Variants in ELF1 observed in about 807,000 individuals in gnomAD.
ELF1 encodes E74 like ETS transcription factor 1.
A neutral mutation model predicts 59.9 loss-of-function variants in ELF1; 24 were observed. The observed-to-expected ratio is 0.40, with a 90% CI of 0.29 to 0.56. The LOEUF is 0.56. ELF1 is among the 20% of genes least tolerant of loss of function. The probability of loss-of-function intolerance (pLI) is 0.44; values close to 1 mark genes in which losing one functional copy is unlikely to be tolerated. For missense variants in ELF1, 627 were observed against 742.2 expected, an observed-to-expected ratio of 0.84 and a Z score of 1.80; for synonymous variants, 248 against 266.2, an observed-to-expected ratio of 0.93 and a Z score of 0.67.
intron 8 of ELF1, among the ~76,000 whole-genome samples, chr13:40,938,707 A>G (rs1243683346): frequency 6.6e-6 from 1 of 151,986 alleles, no homozygotes; most frequent in African/African-American, 2.4e-5. Context: ...TCTTGTTGTT[A>G]TATTAATAAT....
chr13:40,976,205 A>G (rs945531083), intron 2 of ELF1, among the ~76,000 whole-genome samples: 1 of 152,226 alleles, frequency 6.6e-6, no homozygotes, highest in African/African-American at 2.4e-5. Context: ...AAAATTACAT[A>G]GTGTGAAACA....
At chr13:41,055,856 G>GTT (rs908604317) in intron 1 of ELF1, among the ~76,000 whole-genome samples, 1 of 141,986 alleles carries the variant, frequency 7.0e-6, no homozygotes, top group Admixed American at 7.0e-5. Context: ...GCTAATTTTT[G>GTT]TTTTTTTTTT....
At chr13:40,951,869 A>G (rs1053069342) in intron 3 of ELF1, among the ~76,000 whole-genome samples, 1 of 151,910 alleles carries the variant, frequency 6.6e-6, no homozygotes, top group South Asian at 2.1e-4. Flanking sequence ...TCTGTCTTAA[A>G]AAAAAAAAAC....
chr13:41,053,244 C>T (rs1025436215), intron 1 of ELF1, among the ~76,000 whole-genome samples: 2 of 151,902 alleles, frequency 1.3e-5, no homozygotes, highest in East Asian at 3.9e-4. Flanking sequence ...ATCCCAGCTA[C>T]TCATGAGGCT....
intron 1 of ELF1, among the ~76,000 whole-genome samples, chr13:41,026,424 G>A (rs1875915820): frequency 6.6e-6 from 1 of 152,200 alleles, no homozygotes; most frequent in Non-Finnish European, 1.5e-5. Flanking sequence ...GGGGGGCCCA[G>A]AATAGAAGGC....
chr13:40,956,571 C>CAAAAAAAAAA (rs34245662), intron 3 of ELF1, among the ~76,000 whole-genome samples: 66 of 75,984 alleles, frequency 8.7e-4, no homozygotes, highest in Admixed American at 1.8e-3. Context: ...CAAGAATGAT[C>CAAAAAAAAAA]AAAAAAAAAA....
At chr13:41,032,299 C>T (rs1306149823) in intron 1 of ELF1, among the ~76,000 whole-genome samples, 3 of 151,224 alleles carry the variant, frequency 2.0e-5, no homozygotes, top group African/African-American at 7.3e-5. Context: ...CTCACTGCAA[C>T]CTCTGCCTCC....
At chr13:40,981,514 C>T (rs931480664) in intron 2 of ELF1, among the ~76,000 whole-genome samples, 16 of 152,072 alleles carry the variant, frequency 1.1e-4, no homozygotes, top group Middle Eastern at 3.2e-3. Context: ...ATGATGAAAT[C>T]TAGATCTAGA....
At position 40,951,312 on chromosome 13, in the gene ELF1, C is replaced by T; in HGVS notation, c.361+17G>A. On this transcript the variant is annotated intron_variant, in intron 4 of 8. Transcript: ENST00000239882. ...ACTTAACAAAGTACATAAACATAAA[C>T]AATCATAATCACTCACTTATTCGTT... The T allele has an allele frequency of 6.3e-7, 1 of 1,584,146 alleles. No homozygotes were observed. The highest frequency in any genetic ancestry group is 8.6e-7 in the Non-Finnish European group (1 of 1,157,444).
At chr13:40,992,083 G>A (rs1873884291) in intron 1 of ELF1, among the ~76,000 whole-genome samples, 1 of 152,150 alleles carries the variant, frequency 6.6e-6, no homozygotes. Context: ...TTGTGTTGAA[G>A]AACTCTGATA....
At chr13:41,059,635 T>C (rs138378980) in intron 1 of ELF1, among the ~76,000 whole-genome samples, 3 of 152,294 alleles carry the variant, frequency 2.0e-5, no homozygotes, top group Admixed American at 2.0e-4. Flanking sequence ...AGAGGCCCAA[T>C]AAACATTATA....
intron 2 of ELF1, among the ~76,000 whole-genome samples, chr13:40,973,014 C>G (rs553953577): frequency 1.5e-4 from 23 of 152,246 alleles, no homozygotes; most frequent in African/African-American, 4.8e-4. Flanking sequence ...TCCTTTCCAA[C>G]AGAACAATGG....
chr13:40,938,092 C>T (rs1023186114), intron 8 of ELF1, among the ~76,000 whole-genome samples: 3 of 152,204 alleles, frequency 2.0e-5, no homozygotes, highest in African/African-American at 7.2e-5. Flanking sequence ...GTTGGAATTA[C>T]AGGTGTGAGG....
At chr13:40,969,581 A>ATT (rs1872399605) in intron 2 of ELF1, among the ~76,000 whole-genome samples, 1 of 152,160 alleles carries the variant, frequency 6.6e-6, no homozygotes, top group South Asian at 2.1e-4. Flanking sequence ...CAGCACATAA[A>ATT]TTTTTAGATT....
intron 2 of ELF1, among the ~76,000 whole-genome samples, chr13:40,974,582 A>C (rs957300082): frequency 6.6e-6 from 1 of 152,212 alleles, no homozygotes; most frequent in African/African-American, 2.4e-5. Flanking sequence ...GATGCTCACT[A>C]AACACTAGCT....
intron 5 of ELF1, among the ~76,000 whole-genome samples, 174 bp downstream of exon 5, chr13:40,949,632 G>A (rs772038154): frequency 8.5e-5 from 13 of 152,164 alleles, no homozygotes; most frequent in East Asian, 1.9e-4. Context: ...TGGGATTACA[G>A]GCATGAATCT....
intron 1 of ELF1, among the ~76,000 whole-genome samples, chr13:41,038,742 C>T (rs1367873776): frequency 1.3e-5 from 2 of 152,038 alleles, no homozygotes; most frequent in East Asian, 1.9e-4. Flanking sequence ...TCTGGCCAGG[C>T]GCAGTGGCTC....
At chr13:41,028,895 G>A (rs910190111) in intron 1 of ELF1, among the ~76,000 whole-genome samples, 3 of 151,954 alleles carry the variant, frequency 2.0e-5, no homozygotes, top group Admixed American at 6.6e-5. Flanking sequence ...CACCATGCCC[G>A]GCTAATTTTT....
At chr13:41,036,027 C>A (rs1009711671) in intron 1 of ELF1, among the ~76,000 whole-genome samples, 15 of 151,856 alleles carry the variant, frequency 9.9e-5, no homozygotes, top group Non-Finnish European at 2.9e-5. Context: ...GCCTCAGCCT[C>A]CCAAGTAGCT....
Sources: gnomAD v4.1 joint callset for allele counts (sites outside exome capture counted in the v4.1 genomes callset) on GRCh38, gnomAD v4.1.1 for gene constraint, MANE v1.5 for transcripts, NCBI Gene and HGNC (gene_info 2026-07-23, HGNC 2026-07-21) for gene names.